The following HSPA12B variants were observed in gnomAD, a reference collection of about 807,000 sequenced individuals.
HSPA12B encodes the protein heat shock protein family A (Hsp70) member 12B.
Under a neutral mutation model 69.3 loss-of-function variants are expected in HSPA12B, and 54 were observed. The ratio of observed to expected loss-of-function variants is 0.78; its 90% CI spans 0.63 to 0.98. The LOEUF is 0.98. HSPA12B is among the 50% of genes least tolerant of loss of function. The pLI, the probability that HSPA12B is intolerant of heterozygous loss-of-function variation, is 0.00. For missense variants in HSPA12B, 929 were observed against 999.8 expected (o/e 0.93, Z 0.96); for synonymous variants, 441 against 436.5 (o/e 1.01, Z -0.13).
Position 3,751,586 on chromosome 20 carries a change from T to C in HSPA12B, c.1481T>C (p.Val494Ala). ...FLVGGFAESA[V>A]LQHAVQAALG... ...GTGGGCGGCTTCGCCGAGTCAGCGG[T>C]GCTGCAGCACGCGGTGCAGGCGGCG... Residue 494 changes from valine to alanine, a missense_variant, in exon 13 of 13, where the codon GTG becomes GCG. Coordinates refer to ENST00000254963, the MANE Select transcript of HSPA12B (RefSeq NM_052970.5). 6.6e-7 allele frequency: 1 copy of C among 1,518,270 alleles called. No homozygotes were observed. The highest frequency in any genetic ancestry group is 8.8e-7 in the Non-Finnish European group (1 of 1,137,194). The allele number at this position is 1,518,270 out of a possible 1,614,324, so 94.0% of individuals were successfully genotyped here.
intron 1 of HSPA12B, among the ~76,000 whole-genome samples, chr20:3,734,143 A>G (rs543354786): frequency 1.3e-5 from 2 of 152,294 alleles, no homozygotes; most frequent in Admixed American, 6.5e-5. Context: ...ACTCCAGCCT[A>G]GGCAACAGAG....
chr20:3,750,023 G>A lies in HSPA12B; in HGVS notation c.1097G>A (p.Arg366His), dbSNP rs867453305. 5.6e-6 allele frequency: 9 copies of A among 1,596,014 alleles called. No homozygotes were observed. Among genetic ancestry groups the A allele is most frequent in the Middle Eastern group, 1.7e-4 (1 of 6,048 alleles). Residue 366 changes from arginine to histidine, a missense_variant, in exon 11 of 13, where the codon CGC (arginine) becomes CAC (histidine). This residue lies in a region of HSPA12B where 477 missense variants were observed against 535.2 expected (regional missense o/e 0.89). Coordinates refer to ENST00000254963, the MANE Select transcript of HSPA12B (RefSeq NM_052970.5). ...CTGGCCTTCGAGCAGCTGCTGTGCC[G>A]CATCTTCGGCGAGGACTTCATCGCC... ...VDLAFEQLLC[R>H]IFGEDFIATF...
chr20:3,742,303 C>T lies in HSPA12B; in HGVS notation c.161C>T (p.Pro54Leu), dbSNP rs752330762. 6.2e-6 allele frequency: 10 copies of T among 1,614,076 alleles called. No homozygotes were observed. The highest frequency in any genetic ancestry group is 1.1e-5 in the South Asian group (1 of 91,076). The change falls in exon 4 of 13, where the codon CCC becomes CTC. Residue 54 changes from proline to leucine, a missense_variant. Physicochemically the swap from Pro to Leu is moderately conservative, Grantham distance 98. This residue lies in a region of HSPA12B where 477 missense variants were observed against 535.2 expected (regional missense o/e 0.89). Transcript: ENST00000254963. ...SQSPKPEVRA[P>L]QQASFSVVVA... ...TTGCAGAAACCCGAGGTCCGAGCCC[C>T]CCAGCAGGCCTCCTTCTCTGTGGTG...
chr20:3,742,335 A>G lies in HSPA12B; in HGVS notation c.193A>G (p.Ile65Val). Reference sequence around the variant, plus strand: ...GGCCTCCTTCTCTGTGGTGGTGGCCATTGACTTCGGCACCACGTCTAGTGG... The same window carrying G: ...GGCCTCCTTCTCTGTGGTGGTGGCCGTTGACTTCGGCACCACGTCTAGTGG... ...QQASFSVVVA[I>V]DFGTTSSGYA... The change falls in exon 4 of 13, where the codon ATT (isoleucine) becomes GTT (valine). Residue 65 changes from isoleucine (I) to valine (V), a missense_variant. Around this residue, in one of 3 missense-constraint regions of HSPA12B, gnomAD observed 477 missense variants for 535.2 expected, o/e 0.89. Coordinates refer to ENST00000254963, the MANE Select transcript of HSPA12B (RefSeq NM_052970.5). 1.2e-6 allele frequency: 2 copies of G among 1,614,090 alleles called. No individual in the cohort carries two copies. The highest frequency in any genetic ancestry group is 8.5e-7 in the Non-Finnish European group (1 of 1,179,964).
intron 1 of HSPA12B, among the ~76,000 whole-genome samples, chr20:3,735,506 C>T (rs2088096090): frequency 2.0e-5 from 3 of 151,086 alleles, no homozygotes; most frequent in Non-Finnish European, 2.9e-5. Context: ...ACTCTTCTCG[C>T]CCAGGCTGGA....
Position 3,745,805 on chromosome 20 carries a change from C to A in HSPA12B, c.559-110C>A. 1 of 1,091,022 alleles carries A rather than the reference C, an allele frequency of 9.2e-7. No individual in the cohort carries two copies. Among genetic ancestry groups the A allele is most frequent in the Non-Finnish European group, 1.4e-6 (1 of 707,658 alleles). The allele number at this position is 1,091,022 out of a possible 1,614,324, so 67.6% of individuals were successfully genotyped here. A position where few individuals can be genotyped will look rare whatever the true frequency, so the allele number is the denominator to read the frequency against. ...GGGAGGGGGGCCGATTCTTCCAGCT[C>A]TGCTGGGAAGTCCTTCCTGTGATTT... On this transcript the variant is annotated intron_variant, in intron 6 of 12. Coordinates refer to ENST00000254963, the MANE Select transcript of HSPA12B (RefSeq NM_052970.5). This position sits in a 1 kb window ranked among gnomAD's most constrained non-coding sequence, Gnocchi z 5.6.
Position 3,750,231 on chromosome 20 carries a change from G to T in HSPA12B, c.1301+4G>T, listed in dbSNP as rs200973186. 1.3e-6 allele frequency: 2 copies of T among 1,584,548 alleles called. No individual in the cohort carries two copies. Among genetic ancestry groups the T allele is most frequent in the Admixed American group, 3.4e-5 (2 of 57,982 alleles). On this transcript the variant is annotated splice_donor_region_variant and intron_variant, in intron 11 of 12. Coordinates refer to ENST00000254963, the MANE Select transcript of HSPA12B (RefSeq NM_052970.5). ...AGACCGCTCTGCGCAGGAGCAGGTG[G>T]GTCCTGAGCCCGCGGGCTCAGGCAG...
chr20:3,744,967 CGGA>C lies in HSPA12B; in HGVS notation c.335_337del (p.Glu112del). On this transcript the variant is annotated inframe_deletion, in exon 5 of 13. Coordinates refer to ENST00000254963, the MANE Select transcript of HSPA12B (RefSeq NM_052970.5). This position sits in a 1 kb window ranked among gnomAD's most constrained non-coding sequence, Gnocchi z 4.9. Reference sequence around the variant, plus strand: ...ACCCCGACCTGCCTGCTGCTGACTCCGGAGGGCGCCTTCCACAGCTTTGGCTAC... The same window carrying C: ...ACCCCGACCTGCCTGCTGCTGACTCCGGGCGCCTTCCACAGCTTTGGCTAC... 6.2e-7 allele frequency: 1 copy of C among 1,613,936 alleles called. No homozygotes were observed.
At chr20:3,750,592 C>T (rs1443347589) in intron 11 of HSPA12B, 2 of 899,860 alleles carry the variant, frequency 2.2e-6, no homozygotes, top group African/African-American at 3.6e-5. Flanking sequence ...TACCTGGAAC[C>T]TGGAGCAGGC....
At chr20:3,733,326 T>C (rs893323954) in intron 1 of HSPA12B, among the ~76,000 whole-genome samples, 1 of 152,000 alleles carries the variant, frequency 6.6e-6, no homozygotes, top group African/African-American at 2.4e-5. Context: ...GCTAGGGCAG[T>C]GGAGCCTATC....
chr20:3,746,524 A>C (rs527786128), intron 7 of HSPA12B, among the ~76,000 whole-genome samples: 6 of 151,816 alleles, frequency 4.0e-5, no homozygotes, highest in East Asian at 1.9e-4. Context: ...GGATGGTTTC[A>C]ATCTCCTGAC....
chr20:3,746,750 G>A (rs2088314152), intron 7 of HSPA12B, among the ~76,000 whole-genome samples: 2 of 152,184 alleles, frequency 1.3e-5, no homozygotes, highest in South Asian at 4.1e-4. Context: ...GATCCCATGG[G>A]GAGCTGCAGA....
Position 3,738,658 on chromosome 20 carries a change from C to A in HSPA12B, c.-17C>A. The A allele has an allele frequency of 6.2e-7, 1 of 1,614,002 alleles. No individual in the cohort carries two copies. The highest frequency in any genetic ancestry group is 8.5e-7 in the Non-Finnish European group (1 of 1,179,888). ...TCTGCTTGTCTGTTCCTGTTGACAG[C>A]TACAGGGCCTGCAAGGATGTTGGCT... On this transcript the variant is annotated splice_region_variant and 5_prime_UTR_variant, in exon 2 of 13. Transcript: ENST00000254963.
intron 1 of HSPA12B, among the ~76,000 whole-genome samples, chr20:3,734,101 G>A (rs916710525): frequency 3.9e-5 from 6 of 152,210 alleles, no homozygotes; most frequent in Admixed American, 6.5e-5. Flanking sequence ...CCAGGTGGTC[G>A]AGGCTGCAGT....
chr20:3,748,485 T>C, intron 8 of HSPA12B, 94 bp downstream of exon 8: 2 of 1,216,132 alleles, frequency 1.6e-6, no homozygotes, highest in Non-Finnish European at 2.1e-6. Context: ...GGGGAGAGGG[T>C]ACCCACCCTG....
intron 7 of HSPA12B, among the ~76,000 whole-genome samples, chr20:3,746,568 C>G (rs985989230): frequency 1.3e-5 from 2 of 152,042 alleles, no homozygotes; most frequent in South Asian, 4.2e-4. Context: ...TCCCAAAGTG[C>G]TGGGATTACA....
At chr20:3,734,241 G>C (rs1003167839) in intron 1 of HSPA12B, among the ~76,000 whole-genome samples, 7 of 152,142 alleles carry the variant, frequency 4.6e-5, no homozygotes, top group African/African-American at 1.7e-4. Context: ...TGGGATGGGA[G>C]TCTCTGGTTG....
chr20:3,738,836 G>A, intron 2 of HSPA12B, 119 bp downstream of exon 2: 2 of 991,706 alleles, frequency 2.0e-6, no homozygotes, highest in South Asian at 1.4e-5. Context: ...GCTCTTCTGT[G>A]AGTGAGTGTG....
Position 3,751,707 on chromosome 20 carries a change from G to A in HSPA12B, c.1602G>A (p.Val534=). ...AVLFGQAPGV[V]RVRRSPLTYG... Reference sequence around the variant, plus strand: ...TGTTCGGCCAGGCGCCGGGCGTGGTGCGGGTCCGCCGCTCGCCGCTCACCT... The same window carrying A: ...TGTTCGGCCAGGCGCCGGGCGTGGTACGGGTCCGCCGCTCGCCGCTCACCT... Residue 534 remains valine (V), a synonymous_variant, in exon 13 of 13, where the codon GTG becomes GTA. Coordinates refer to ENST00000254963, the MANE Select transcript of HSPA12B (RefSeq NM_052970.5). 1.3e-6 allele frequency: 2 copies of A among 1,484,644 alleles called. No homozygotes were observed. Among genetic ancestry groups the A allele is most frequent in the Non-Finnish European group, 1.8e-6 (2 of 1,121,232 alleles). The allele number at this position is 1,484,644 out of a possible 1,614,324, so 92.0% of individuals were successfully genotyped here.
Sources: allele counts gnomAD v4.1 joint callset (sites outside exome capture counted in the v4.1 genomes callset), GRCh38; gene constraint gnomAD v4.1.1; regional missense constraint gnomAD v4.1.1; non-coding constraint Gnocchi (gnomAD v3.1); transcripts MANE v1.5; gene names NCBI Gene and HGNC (gene_info 2026-07-23, HGNC 2026-07-21).